The following PLCB4 variants were observed in gnomAD, a reference collection of about 807,000 sequenced individuals.
PLCB4 encodes 1-phosphatidylinositol 4,5-bisphosphate phosphodiesterase beta-4.
A neutral mutation model predicts 178.8 loss-of-function variants in PLCB4; 77 were observed. The ratio of observed to expected loss-of-function variants is 0.43; its 90% confidence interval spans 0.36 to 0.52. The LOEUF (loss-of-function observed/expected upper bound fraction) is 0.52, where lower values mean the gene tolerates loss of function less well. Ranked by LOEUF, PLCB4 falls within the 20% of genes least tolerant of loss-of-function variation. The pLI, the probability that PLCB4 is intolerant of heterozygous loss-of-function variation, is 0.00. For missense variants in PLCB4, 1,024 were observed against 1,453.4 expected (o/e 0.70, Z 4.80); for synonymous variants, 496 against 490.8 (o/e 1.01, Z -0.14).
rs142563235 is a variant in PLCB4 at position 9,317,656 on chromosome 20, T to A, written c.84+9758T>A. Among the ~76,000 whole-genome samples the A allele has an allele frequency of 3.2e-3, 482 of 152,070 alleles. 2 individuals are homozygous for A. Among genetic ancestry groups the A allele is most frequent in the African/African-American group, 0.011 (449 of 41,478 alleles). On this transcript the variant is annotated intron_variant, in intron 4 of 39. Coordinates refer to ENST00000378473, the MANE Select transcript of PLCB4 (RefSeq NM_001377142.1). The stretch of plus-strand genomic sequence containing the variant: ...GGAAACTAGACAGGGAAATCTGGGG[T>A]CCCACTAGATTTACAAGGAGCTTGT...
At chr20:9,345,187 C>T (rs2033667645) in intron 7 of PLCB4, among the ~76,000 whole-genome samples, 1 of 152,016 alleles carries the variant, frequency 6.6e-6, no homozygotes, top group African/African-American at 2.4e-5. Context: ...GAAACTCCAT[C>T]TCAAAAAAAG....
chr20:9,191,472 A>G (rs2093403325), intron 2 of PLCB4, among the ~76,000 whole-genome samples: 2 of 147,134 alleles, frequency 1.4e-5, no homozygotes, highest in African/African-American at 5.1e-5. Flanking sequence ...TTGATCTTGG[A>G]CTTTGCAGCC....
At chr20:9,440,452 C>T (rs2042038855) in intron 30 of PLCB4, among the ~76,000 whole-genome samples, 1 of 152,212 alleles carries the variant, frequency 6.6e-6, no homozygotes, top group Non-Finnish European at 1.5e-5. Context: ...GATCAAAATT[C>T]ACAATTCAAC....
At chr20:9,092,931 T>A (rs2090748781) in intron 1 of PLCB4, among the ~76,000 whole-genome samples, 1 of 152,118 alleles carries the variant, frequency 6.6e-6, no homozygotes, top group Non-Finnish European at 1.5e-5. Context: ...GGAAAGCAAA[T>A]CGTTTCAGCT....
chr20:9,356,667 A>G (rs887518652), intron 7 of PLCB4, among the ~76,000 whole-genome samples: 2 of 152,256 alleles, frequency 1.3e-5, no homozygotes, highest in African/African-American at 4.8e-5. Context: ...AGGTCTTAAC[A>G]GAATTCACAG....
At chr20:9,446,652 G>A (rs1193848379) in intron 32 of PLCB4, among the ~76,000 whole-genome samples, 1 of 152,224 alleles carries the variant, frequency 6.6e-6, no homozygotes, top group East Asian at 1.9e-4. Flanking sequence ...GCCAAGGCAA[G>A]CAGATCTCAC....
chr20:9,239,450 G>C (rs1367698050), intron 3 of PLCB4, among the ~76,000 whole-genome samples: 1 of 152,148 alleles, frequency 6.6e-6, no homozygotes, highest in Non-Finnish European at 1.5e-5. Context: ...AACAAAGACA[G>C]ATTAGCAAGA....
At chr20:9,338,701 T>G (rs774820007) in intron 6 of PLCB4, among the ~76,000 whole-genome samples, 193 bp from the exon 7 acceptor site, 2 of 152,154 alleles carry the variant, frequency 1.3e-5, no homozygotes, top group Admixed American at 6.5e-5. Context: ...AAATTTGTAA[T>G]ACCTTTCTTA....
At chr20:9,114,021 C>G (rs1427765687) in intron 2 of PLCB4, among the ~76,000 whole-genome samples, 4 of 152,016 alleles carry the variant, frequency 2.6e-5, no homozygotes, top group African/African-American at 9.7e-5. Context: ...TGAGACCAAC[C>G]TGGCCAACAT....
intron 3 of PLCB4, among the ~76,000 whole-genome samples, chr20:9,252,768 AG>A (rs546066480): frequency 1.3e-4 from 20 of 152,218 alleles, no homozygotes; most frequent in Non-Finnish European, 2.8e-4. Flanking sequence ...AAGCAGAGGA[AG>A]GGTGTGAATT....
chr20:9,283,449 C>T (rs913160941), intron 3 of PLCB4, among the ~76,000 whole-genome samples: 5 of 151,792 alleles, frequency 3.3e-5, no homozygotes, highest in African/African-American at 4.8e-5. Context: ...GTTTGGGGGA[C>T]GGTTTTATGA....
intron 3 of PLCB4, among the ~76,000 whole-genome samples, chr20:9,266,298 G>A (rs1219511348): frequency 2.0e-5 from 3 of 152,226 alleles, no homozygotes; most frequent in African/African-American, 7.2e-5. Context: ...TTGTATGTTT[G>A]TTTGTTTAAC....
At chr20:9,318,688 T>C (rs1388359802) in intron 4 of PLCB4, among the ~76,000 whole-genome samples, 2 of 152,120 alleles carry the variant, frequency 1.3e-5, no homozygotes, top group Non-Finnish European at 2.9e-5. Flanking sequence ...CAGGAATAAT[T>C]AAGGAAAAGG....
At chr20:9,292,514 A>G (rs2094589159) in intron 3 of PLCB4, among the ~76,000 whole-genome samples, 1 of 152,158 alleles carries the variant, frequency 6.6e-6, no homozygotes, top group East Asian at 1.9e-4. Context: ...TGCCAATCTG[A>G]ACAGCCCTTA....
intron 2 of PLCB4, among the ~76,000 whole-genome samples, chr20:9,212,114 G>A (rs2093679388): frequency 6.6e-6 from 1 of 152,168 alleles, no homozygotes; most frequent in South Asian, 2.1e-4. Context: ...TAGCCAATGC[G>A]ATACAACAGA....
intron 1 of PLCB4, among the ~76,000 whole-genome samples, chr20:9,074,013 AGCTG>A (rs2089703424): frequency 6.6e-6 from 1 of 152,186 alleles, no homozygotes; most frequent in Non-Finnish European, 1.5e-5. Flanking sequence ...TCCCAGAGGC[AGCTG>A]GCTGGGTGGG....
chr20:9,188,076 A>G (rs1204294150), intron 2 of PLCB4, among the ~76,000 whole-genome samples: 3 of 152,234 alleles, frequency 2.0e-5, no homozygotes, highest in Non-Finnish European at 4.4e-5. Flanking sequence ...CAGGTATATA[A>G]TATGAATTGA....
chr20:9,083,529 G>A lies in PLCB4; in HGVS notation c.-134-12758G>A, dbSNP rs571400160. ...AACTTCCAGGATTCTTTAACACCGG[G>A]CCCCTAACCCATTATTTATTAGGCT... On this transcript the variant is annotated intron_variant, in intron 1 of 39. Coordinates refer to ENST00000378473, the MANE Select transcript of PLCB4 (RefSeq NM_001377142.1). 1.1e-4 allele frequency among the ~76,000 whole-genome samples: 17 copies of A among 152,128 alleles called. No individual in the cohort carries two copies. In the South Asian group the frequency reaches 3.5e-3, roughly 32 times the overall value.
At chr20:9,297,683 C>T (rs949836396) in intron 3 of PLCB4, among the ~76,000 whole-genome samples, 1 of 151,956 alleles carries the variant, frequency 6.6e-6, no homozygotes, top group African/African-American at 2.4e-5. Context: ...CATTATTGCT[C>T]CCTAGCTTGA....
Sources: allele counts gnomAD v4.1 joint callset (sites outside exome capture counted in the v4.1 genomes callset), GRCh38; gene constraint gnomAD v4.1.1; transcripts MANE v1.5; gene names NCBI Gene and HGNC (gene_info 2026-07-23, HGNC 2026-07-21).